Variants in RHBDF1 observed in about 807,000 individuals in gnomAD.
RHBDF1 encodes rhomboid 5 homolog 1.
In RHBDF1, 80 loss-of-function variants were observed where a neutral mutation model predicts 98.6. The observed-to-expected ratio is 0.81, with a 90% CI of 0.68 to 0.98. The LOEUF (loss-of-function observed/expected upper bound fraction) is 0.98, where lower values mean the gene tolerates loss of function less well. Ranked by LOEUF, RHBDF1 falls within the 50% of genes least tolerant of loss-of-function variation. RHBDF1 has a pLI of 0.00. For synonymous variants in RHBDF1, 512 were observed against 486.8 expected (o/e 1.05, Z -0.68); for missense variants, 1,116 against 1,198.3 (o/e 0.93, Z 1.01).
At position 58,666 on chromosome 16, in the gene RHBDF1, A is replaced by G; in HGVS notation, c.2242T>C (p.Phe748Leu). ...WQILARPWRA[F>L]FKLLAVVLFL... The stretch of plus-strand genomic sequence containing the variant: ...AGCACCACAGCCAGCAGCTTGAAGA[A>G]GGCACGCCAGGGCCGCGCCAGGATC... Residue 748 changes from phenylalanine to leucine, a missense_variant, in exon 18 of 18, where the codon TTC (phenylalanine) becomes CTC (leucine). By Grantham distance (22) the Phe-to-Leu change is conservative. Coordinates refer to ENST00000262316, the MANE Select transcript of RHBDF1 (RefSeq NM_022450.5). 6.2e-7 allele frequency: 1 copy of G among 1,613,274 alleles called. No homozygotes were observed. Among genetic ancestry groups the G allele is most frequent in the Non-Finnish European group, 8.5e-7 (1 of 1,180,008 alleles).
Position 61,952 on chromosome 16 carries a change from G to A in RHBDF1, c.1054C>T (p.Arg352Trp), listed in dbSNP as rs773394842. 1.3e-5 allele frequency: 20 copies of A among 1,595,784 alleles called. No homozygotes were observed. The highest frequency in any genetic ancestry group is 5.5e-5 in the South Asian group (5 of 90,710). Residue 352 changes from arginine (R) to tryptophan (W), a missense_variant, in exon 8 of 18, where the codon CGG (arginine) becomes TGG (tryptophan). Arg to Trp is a moderately radical substitution (Grantham distance 101, BLOSUM62 -3). Transcript: ENST00000262316. ...QEVVSTAGPR[R>W]GQRIAVPVRK... ...ACCGGCACCGCGATACGCTGGCCCC[G>A]TCGCGGCCCCGCGGTGCTCACCACC...
chr16:63,973 G>A (rs1260322472), intron 3 of RHBDF1, 173 bp from the exon 4 acceptor site: 6 of 747,140 alleles, frequency 8.0e-6, no homozygotes, highest in Non-Finnish European at 1.2e-5. Flanking sequence ...GCCACCCCCT[G>A]AACTGTTAGC....
intron 3 of RHBDF1, 39 bp downstream of exon 3, chr16:64,660 C>A (rs1217010885): frequency 6.3e-7 from 1 of 1,579,818 alleles, no homozygotes; most frequent in Non-Finnish European, 8.6e-7. Context: ...CACCAGCCCC[C>A]AGCTCCCACC....
Position 58,999 on chromosome 16 carries a change from G to C in RHBDF1, c.2123C>G (p.Ala708Gly), listed in dbSNP as rs956582647. ...LSGVTGNLAS[A>G]IFLPYRAEVG... is the part of the protein sequence containing the mutation. The stretch of plus-strand genomic sequence containing the variant: ...CTCTGCTCGGTATGGCAGGAAGATG[G>C]CACTGGCCAGGTTGCCGGTGACACC... The change falls in exon 17 of 18, where the codon GCC (alanine) becomes GGC (glycine). Residue 708 changes from alanine to glycine, a missense_variant. Coordinates refer to ENST00000262316, the MANE Select transcript of RHBDF1 (RefSeq NM_022450.5). 1.2e-6 allele frequency: 2 copies of C among 1,613,012 alleles called. No homozygotes were observed. Among genetic ancestry groups the C allele is most frequent in the African/African-American group, 2.7e-5 (2 of 74,924 alleles).
At chr16:70,060 G>C (rs1485565836) in intron 1 of RHBDF1, among the ~76,000 whole-genome samples, 2 of 152,102 alleles carry the variant, frequency 1.3e-5, no homozygotes, top group East Asian at 1.9e-4. Context: ...TGGCACAGGG[G>C]TCACCAGAGC....
chr16:74,753 T>C (rs913666453), upstream of RHBDF1: 2 of 152,242 alleles, frequency 1.3e-5, no homozygotes, highest in Admixed American at 6.5e-5. Context: ...GGTTCCTGCC[T>C]TAACTGATGA....
Position 63,107 on chromosome 16 carries a change from T to C in RHBDF1, c.538A>G (p.Thr180Ala). 6.2e-7 allele frequency: 1 copy of C among 1,607,106 alleles called. No individual in the cohort carries two copies. Among genetic ancestry groups the C allele is most frequent in the South Asian group, 1.1e-5 (1 of 90,230 alleles). The change falls in exon 5 of 18, where the codon ACT (threonine) becomes GCT (alanine). Residue 180 changes from threonine to alanine, a missense_variant. Thr to Ala is a moderately conservative substitution (Grantham distance 58). Coordinates refer to ENST00000262316, the MANE Select transcript of RHBDF1 (RefSeq NM_022450.5). ...GAGGCAGCACCCGGCGTGACGGGAG[T>C]GTGTGGGGCACTCAGGCCTTCCGCA... ...DTAEGLSAPH[T>A]PVTPGAASLC...
rs548290851 is a variant in RHBDF1 at position 59,527 on chromosome 16, GC to G, written c.1818-34del. ...GGCAGGCCAGGGTTCGGAGACTGCT[GC>G]CTTGCAGAGGGGGATTGCTGGCATC... On this transcript the variant is annotated intron_variant, in intron 14 of 17. Transcript: ENST00000262316. 6.3e-6 allele frequency: 10 copies of G among 1,597,922 alleles called. No individual in the cohort carries two copies. In the African/African-American group the frequency reaches 8.0e-5, roughly 13 times the overall value.
rs369861521 is a variant in RHBDF1, at chr16:66,074, A to T, written c.-24-1035T>A. Among the ~76,000 whole-genome samples the T allele has an allele frequency of 8.5e-5, 13 of 152,182 alleles. No homozygotes were observed. In the East Asian group the frequency reaches 1.5e-3, roughly 18 times the overall value. The stretch of plus-strand genomic sequence containing the variant: ...CCTGGCAGACCTGCAGCTGTCCCCA[A>T]CCCAGGGGGACCACACGGCGATTCC... On this transcript the variant is annotated intron_variant, in intron 1 of 17. Coordinates refer to ENST00000262316, the MANE Select transcript of RHBDF1 (RefSeq NM_022450.5).
chr16:73,416 TCTCA>T, upstream of RHBDF1, among the ~76,000 whole-genome samples: 1 of 152,184 alleles, frequency 6.6e-6, no homozygotes, highest in South Asian at 2.1e-4. Context: ...TCTGGGCTCT[TCTCA>T]CTGTCTCAGA....
upstream of RHBDF1, among the ~76,000 whole-genome samples, chr16:73,317 G>T (rs896225560): frequency 2.0e-5 from 3 of 151,714 alleles, no homozygotes; most frequent in African/African-American, 7.3e-5. Context: ...ACCCCCAGAA[G>T]CCCCGCTCCA....
Position 60,513 on chromosome 16 carries a change from C to T in RHBDF1, c.1584G>A (p.Trp528Ter). Residue 528 changes from tryptophan (W) to a stop codon, truncating the protein, a stop_gained, in exon 12 of 18, where the codon TGG becomes TGA. Coordinates refer to ENST00000262316, the MANE Select transcript of RHBDF1 (RefSeq NM_022450.5). LOFTEE classifies it high-confidence loss of function. ...GCTCTGGGGCGCTGGGATGGATGGGCCACTTCACCCACACTGCCAGCGTGG... is the reference window on the plus strand; with the variant it reads ...GCTCTGGGGCGCTGGGATGGATGGGTCACTTCACCCACACTGCCAGCGTGG... ...CSSTLAVWVK[W>*]PIHPSAPELA... 1 of 1,609,938 alleles carries T rather than the reference C, an allele frequency of 6.2e-7. No individual in the cohort carries two copies.
Position 61,390 on chromosome 16 carries a change from TG to T in RHBDF1, c.1389del (p.Ser464AlafsTer63). On this transcript the variant is annotated frameshift_variant, in exon 10 of 18. Coordinates refer to ENST00000262316, the MANE Select transcript of RHBDF1 (RefSeq NM_022450.5). LOFTEE classifies it high-confidence loss of function. ...YVQQENFWIGPSSEALIHLGA... is the reference protein window; with the variant it reads ...YVQQENFWIGXSSEALIHLGA... Reference sequence around the variant, plus strand: ...GCCCCCAGCCCCGTCCTCACCGAGCTGGGCCCGATCCAGAAGTTCTCCTGCT... The same window carrying T: ...GCCCCCAGCCCCGTCCTCACCGAGCTGGCCCGATCCAGAAGTTCTCCTGCT... The T allele has an allele frequency of 6.2e-7, 1 of 1,608,208 alleles. No individual in the cohort carries two copies. The highest frequency in any genetic ancestry group is 8.5e-7 in the Non-Finnish European group (1 of 1,178,082).
chr16:59,185 C>T (rs1897504024), intron 16 of RHBDF1, 58 bp from the exon 17 acceptor site: 1 of 1,593,320 alleles, frequency 6.3e-7, no homozygotes, highest in Non-Finnish European at 8.6e-7. Flanking sequence ...GACCTTTCTG[C>T]CACCCCCAGC....
chr16:74,205 C>A (rs1898044877), upstream of RHBDF1, among the ~76,000 whole-genome samples: 1 of 150,848 alleles, frequency 6.6e-6, no homozygotes, highest in Admixed American at 6.6e-5. Flanking sequence ...GGCTCACAGC[C>A]AGAGACAGGA....
chr16:69,493 G>A (rs1897916617), intron 1 of RHBDF1, among the ~76,000 whole-genome samples: 1 of 151,998 alleles, frequency 6.6e-6, no homozygotes. Flanking sequence ...CCAGGGGGAT[G>A]TGGCTCCTCC....
At chr16:64,505 G>A in intron 3 of RHBDF1, 194 bp downstream of exon 3, 2 of 1,539,348 alleles carry the variant, frequency 1.3e-6, no homozygotes, top group Non-Finnish European at 1.8e-6. Context: ...GAAGAGAAGG[G>A]AGTGGAGCAG....
Position 61,908 on chromosome 16 carries a change from C to T in RHBDF1, c.1098G>A (p.Arg366=). 6.2e-7 allele frequency: 1 copy of T among 1,604,612 alleles called. No homozygotes were observed. The highest frequency in any genetic ancestry group is 8.5e-7 in the Non-Finnish European group (1 of 1,179,620). The stretch of plus-strand genomic sequence containing the variant: ...TGCCCAGCCCATACGGCCGCTTCTC[C>T]CGGGCGAAGAGCTTGCGCACCGGCA... The part of the protein sequence containing the change: ...IAVPVRKLFA[R]EKRPYGLGMV... The change falls in exon 8 of 18, where the codon CGG becomes CGA. Residue 366 remains arginine, a synonymous_variant. Coordinates refer to ENST00000262316, the MANE Select transcript of RHBDF1 (RefSeq NM_022450.5).
rs112372447 is a variant in RHBDF1 at position 64,748 on chromosome 16, G to A, written c.199C>T (p.Arg67Trp). ...AHISSPHHEL[R>W]RPVLQRQTSI... ...GTCTGGCGTTGCAGCACCGGCCGCC[G>A]GAGCTCATGGTGGGGTGAAGAGATG... The change falls in exon 3 of 18, where the codon CGG becomes TGG. Residue 67 changes from arginine (R) to tryptophan (W), a missense_variant. Arg to Trp is a moderately radical substitution (Grantham distance 101, BLOSUM62 -3). Coordinates refer to ENST00000262316, the MANE Select transcript of RHBDF1 (RefSeq NM_022450.5). 34 of 1,613,960 alleles carry A rather than the reference G, an allele frequency of 2.1e-5. No individual in the cohort carries two copies. Among genetic ancestry groups the A allele is most frequent in the Non-Finnish European group, 2.5e-5 (29 of 1,179,904 alleles).
Sources: gnomAD v4.1 joint callset for allele counts (sites outside exome capture counted in the v4.1 genomes callset) on GRCh38, gnomAD v4.1.1 for gene constraint, MANE v1.5 for transcripts, NCBI Gene and HGNC (gene_info 2026-07-23, HGNC 2026-07-21) for gene names.